Variants in ANKRD36 observed in about 807,000 individuals in gnomAD.
ANKRD36 encodes ankyrin repeat domain 36.
Under a neutral mutation model 278.1 loss-of-function variants are expected in ANKRD36, and 179 were observed. The observed-to-expected ratio is 0.64, with a 90% CI of 0.57 to 0.73. The LOEUF is 0.73. Among genes scored for constraint, ANKRD36 ranks in the 30% least tolerant of loss-of-function variants. ANKRD36 has a pLI of 0.00. For synonymous variants in ANKRD36, 320 were observed against 641.1 expected (o/e 0.50, Z 7.57); for missense variants, 1,159 against 1,956.7 (o/e 0.59, Z 7.69).
Position 97,199,315 on chromosome 2 carries a change from T to C in ANKRD36, c.2755+657T>C, listed in dbSNP as rs1443578619. Reference sequence around the variant, plus strand: ...CACCACACTGACCCCTTACTCTTCTTGTTACTAGGAGGCCTCAGAGATACA... The same window carrying C: ...CACCACACTGACCCCTTACTCTTCTCGTTACTAGGAGGCCTCAGAGATACA... On this transcript the variant is annotated intron_variant, in intron 44 of 75. Coordinates refer to ENST00000420699, the MANE Select transcript of ANKRD36 (RefSeq NM_001354587.1). 2.0e-5 allele frequency among the ~76,000 whole-genome samples: 3 copies of C among 151,922 alleles called. 1 individual carries two copies. The highest frequency in any genetic ancestry group is 2.0e-4 in the Admixed American group (3 of 15,228).
Position 97,206,054 on chromosome 2 carries a change from T to G in ANKRD36, c.3091-9T>G. 6.5e-7 allele frequency: 1 copy of G among 1,549,488 alleles called. No individual in the cohort carries two copies. Among genetic ancestry groups the G allele is most frequent in the Non-Finnish European group, 8.7e-7 (1 of 1,148,886 alleles). ...ATTTATTTATTATTTTGTTTCAAAT[T>G]CCATTCAGGCTACAAGTGATGAGGA... On this transcript the variant is annotated splice_polypyrimidine_tract_variant and intron_variant, in intron 51 of 75. Transcript: ENST00000420699.
chr2:97,172,134 A>C lies in ANKRD36; in HGVS notation c.1633+4367A>C, dbSNP rs1278723937. Among the ~76,000 whole-genome samples, 4 of 151,284 alleles carry C rather than the reference A, an allele frequency of 2.6e-5. No homozygotes were observed. The East Asian group carries it at 7.7e-4, about 29-fold the overall frequency. On this transcript the variant is annotated intron_variant, in intron 22 of 75. Coordinates refer to ENST00000420699, the MANE Select transcript of ANKRD36 (RefSeq NM_001354587.1). ...GTAATCAAGAGCTTGAATTAATTTA[A>C]AAAAATCACCCAAATGCACATTAAA...
chr2:97,144,795 T>A (rs557327375), intron 10 of ANKRD36, 83 bp downstream of exon 10: 5 of 1,479,480 alleles, frequency 3.4e-6, no homozygotes, highest in East Asian at 4.9e-5. Flanking sequence ...AGGGGGCTCA[T>A]TGAAGCTGCG....
intron 4 of ANKRD36, among the ~76,000 whole-genome samples, 192 bp from the exon 5 acceptor site, chr2:97,124,268 C>A (rs369405172): frequency 6.6e-6 from 1 of 151,840 alleles, no homozygotes; most frequent in East Asian, 1.9e-4. Context: ...AAGAGGCTTC[C>A]TTTTTGTTCC....
Position 97,170,249 on chromosome 2 carries a change from TCCTTACA to T in ANKRD36, c.1633+2488_1633+2494del, listed in dbSNP as rs906054132. ...TGCAGGAAACTGAAACTGGACCCCTTCCTTACACCTTATACAAAAATTAACGGAGGCA... is the reference window on the plus strand; with the variant it reads ...TGCAGGAAACTGAAACTGGACCCCTTCCTTATACAAAAATTAACGGAGGCA... On this transcript the variant is annotated intron_variant, in intron 22 of 75. Transcript: ENST00000420699. 2.0e-5 allele frequency among the ~76,000 whole-genome samples: 3 copies of T among 151,222 alleles called. No homozygotes were observed. The Admixed American group carries it at 2.0e-4, about 10-fold the overall frequency.
chr2:97,228,595 A>T (rs1412342128), intron 67 of ANKRD36, among the ~76,000 whole-genome samples: 5 of 151,824 alleles, frequency 3.3e-5, no homozygotes, highest in Non-Finnish European at 7.3e-5. Context: ...CGGCTCCTGG[A>T]TTCATTAATT....
chr2:97,114,038 G>C, intron 1 of ANKRD36, 102 bp downstream of exon 1: 2 of 1,529,316 alleles, frequency 1.3e-6, no homozygotes, highest in Non-Finnish European at 8.8e-7. Flanking sequence ...CCGGGGCTCG[G>C]GGTTTGGACG....
chr2:97,183,772 G>T, intron 28 of ANKRD36, 118 bp downstream of exon 28: 3 of 1,348,150 alleles, frequency 2.2e-6, no homozygotes, highest in Non-Finnish European at 3.0e-6. Context: ...GCAGGCCTGA[G>T]ATTATGCATT....
rs1409362107 is a variant in ANKRD36 at position 97,170,815 on chromosome 2, A to G, written c.1633+3048A>G. On this transcript the variant is annotated intron_variant, in intron 22 of 75. Coordinates refer to ENST00000420699, the MANE Select transcript of ANKRD36 (RefSeq NM_001354587.1). Reference sequence around the variant, plus strand: ...CAACCTACTCATCTGACAAAGGGCTAATATCCAGAATCTACAATGAACTCA... The same window carrying G: ...CAACCTACTCATCTGACAAAGGGCTGATATCCAGAATCTACAATGAACTCA... 5.3e-5 allele frequency among the ~76,000 whole-genome samples: 8 copies of G among 151,758 alleles called. No homozygotes were observed. The East Asian group carries it at 9.7e-4, about 18-fold the overall frequency.
At position 97,200,125 on chromosome 2, in the gene ANKRD36, G is replaced by C. The variant is rs1435032807; in HGVS notation, c.2756-209G>C. Among the ~76,000 whole-genome samples, 4 of 151,856 alleles carry C rather than the reference G, an allele frequency of 2.6e-5. No homozygotes were observed. The East Asian group carries it at 7.8e-4, about 30-fold the overall frequency. On this transcript the variant is annotated intron_variant, in intron 44 of 75. Coordinates refer to ENST00000420699, the MANE Select transcript of ANKRD36 (RefSeq NM_001354587.1). ...ACACATGACAAATCTTACCATGTTT[G>C]AAATCGTAAGGGTGTATTTCACAGA...
intron 67 of ANKRD36, among the ~76,000 whole-genome samples, chr2:97,231,156 A>G (rs1258350990): frequency 6.6e-6 from 1 of 152,082 alleles, no homozygotes; most frequent in Non-Finnish European, 1.5e-5. Context: ...TGGGAGAACC[A>G]CTGCTGTCTT....
chr2:97,121,781 TA>T (rs930971967), intron 3 of ANKRD36, among the ~76,000 whole-genome samples: 1 of 151,956 alleles, frequency 6.6e-6, no homozygotes, highest in Non-Finnish European at 1.5e-5. Flanking sequence ...TTACCTAAAA[TA>T]AAAAAAGTAA....
intron 22 of ANKRD36, among the ~76,000 whole-genome samples, chr2:97,173,837 G>A (rs116353425): frequency 1.5e-4 from 22 of 151,556 alleles, no homozygotes; most frequent in Non-Finnish European, 3.1e-4. Context: ...TTGCACATCA[G>A]TGATACATGC....
chr2:97,242,468 T>C (rs1410015196), intron 69 of ANKRD36, among the ~76,000 whole-genome samples: 7 of 144,964 alleles, frequency 4.8e-5, no homozygotes, highest in Non-Finnish European at 7.4e-5. Context: ...TTAGATCTTG[T>C]GTTGTTCCAA....
intron 3 of ANKRD36, among the ~76,000 whole-genome samples, chr2:97,120,905 C>T (rs2036620863): frequency 6.6e-6 from 1 of 151,972 alleles, no homozygotes; most frequent in South Asian, 2.1e-4. Context: ...TTCAAGAATC[C>T]AATCTGGTGT....
chr2:97,203,796 A>G (rs1179412349), intron 48 of ANKRD36, among the ~76,000 whole-genome samples: 1 of 151,800 alleles, frequency 6.6e-6, no homozygotes, highest in Non-Finnish European at 1.5e-5. Context: ...CACTCGGCAT[A>G]TCCACATTGA....
intron 46 of ANKRD36, 107 bp downstream of exon 46, chr2:97,200,632 A>C: frequency 6.7e-7 from 1 of 1,489,368 alleles, no homozygotes; most frequent in Admixed American, 2.1e-5. Context: ...CTGATTCACC[A>C]AGCTTGAGAT....
chr2:97,178,512 G>A (rs2055053002), intron 22 of ANKRD36, among the ~76,000 whole-genome samples: 1 of 151,730 alleles, frequency 6.6e-6, no homozygotes, highest in Non-Finnish European at 1.5e-5. Flanking sequence ...AAAATGATGA[G>A]TTCATGTCCT....
At position 97,243,884 on chromosome 2, in the gene ANKRD36, T is replaced by C; in HGVS notation, c.4346T>C (p.Val1449Ala). The C allele has an allele frequency of 6.2e-7, 1 of 1,606,858 alleles. No individual in the cohort carries two copies. Among genetic ancestry groups the C allele is most frequent in the Non-Finnish European group, 8.5e-7 (1 of 1,178,606 alleles). The part of the protein sequence containing the change: ...IQQEKKKRRN[V>A]EEVHQKVREK... ...CAAGAAAAAAAGAAAAGAAGAAATG[T>C]TGAAGAGGTGCACCAAAAAGTTAGG... The change falls in exon 70 of 76, where the codon GTT (valine) becomes GCT (alanine). Residue 1449 changes from valine (V) to alanine (A), a missense_variant. Coordinates refer to ENST00000420699, the MANE Select transcript of ANKRD36 (RefSeq NM_001354587.1).
Sources: allele counts gnomAD v4.1 joint callset (sites outside exome capture counted in the v4.1 genomes callset), GRCh38; gene constraint gnomAD v4.1.1; transcripts MANE v1.5; gene names NCBI Gene and HGNC (gene_info 2026-07-23, HGNC 2026-07-21).